Variants in STPG1 observed in about 807,000 individuals in gnomAD.
The protein encoded by STPG1 is sperm tail PG-rich repeat containing 1, also known as O(6)-methylguanine-induced apoptosis 2.
A neutral mutation model predicts 40.1 loss-of-function variants in STPG1; 33 were observed. That is an observed-to-expected ratio of 0.82 (90% confidence interval 0.62 to 1.10). STPG1 has a LOEUF of 1.10. Ranked by LOEUF, STPG1 falls within the 50% of genes least tolerant of loss-of-function variation. STPG1 has a pLI of 0.00. For missense variants in STPG1, 396 were observed against 415.1 expected (o/e 0.95, Z 0.40); for synonymous variants, 150 against 155.0 (o/e 0.97, Z 0.24).
At chr1:24,372,463 C>T (rs1641797931) in intron 6 of STPG1, among the ~76,000 whole-genome samples, 1 of 152,188 alleles carries the variant, frequency 6.6e-6, no homozygotes, top group Non-Finnish European at 1.5e-5. Flanking sequence ...GGGGGCTTCT[C>T]AGGATCCCCC....
chr1:24,367,353 T>A (rs1022204248), intron 7 of STPG1, among the ~76,000 whole-genome samples: 1 of 152,190 alleles, frequency 6.6e-6, no homozygotes, highest in Non-Finnish European at 1.5e-5. Flanking sequence ...CAGTTAAAAA[T>A]TGAGCATCCT....
At chr1:24,362,868 G>C (rs1053611448) in intron 7 of STPG1, among the ~76,000 whole-genome samples, 1 of 152,196 alleles carries the variant, frequency 6.6e-6, no homozygotes, top group African/African-American at 2.4e-5. Flanking sequence ...GGGACATGCT[G>C]CCTCCCTGTT....
At chr1:24,377,177 T>C (rs7546875) in intron 5 of STPG1, among the ~76,000 whole-genome samples, 60,805 of 151,546 alleles carry the variant, frequency 0.4, 12,594 homozygotes, top group African/African-American at 0.5. Flanking sequence ...ATTACTTGAA[T>C]TGGGGAGGCG....
intron 3 of STPG1, among the ~76,000 whole-genome samples, chr1:24,388,530 G>A (rs1183152226): frequency 6.6e-6 from 1 of 152,242 alleles, no homozygotes; most frequent in Non-Finnish European, 1.5e-5. Flanking sequence ...AGGAGACCTT[G>A]ATGGTTCACT....
intron 2 of STPG1, among the ~76,000 whole-genome samples, chr1:24,400,851 C>A (rs1570091676): frequency 6.6e-6 from 1 of 152,258 alleles, no homozygotes; most frequent in East Asian, 1.9e-4. Flanking sequence ...CCCAACCCAG[C>A]CTCCTGGGAT....
At position 24,365,770 on chromosome 1, in the gene STPG1, G is replaced by A. The variant is rs555368522; in HGVS notation, c.737+3904C>T. ...CACATTATGAGGTGTTCTTATCCTG[G>A]TTCACCAAGGATGACTTTGAACCCA... is the stretch of plus-strand genomic sequence containing the variant. On this transcript the variant is annotated intron_variant, in intron 7 of 8. Transcript: ENST00000337248. 8.6e-5 allele frequency among the ~76,000 whole-genome samples: 13 copies of A among 151,858 alleles called. No homozygotes were observed. In the East Asian group the frequency reaches 2.6e-3, roughly 30 times the overall value.
chr1:24,369,394 C>G (rs940478740), intron 7 of STPG1: 3 of 570,604 alleles, frequency 5.3e-6, no homozygotes, highest in Admixed American at 4.4e-5. Context: ...AAATCCGAAG[C>G]CTTGCTTCCT....
At position 24,361,013 on chromosome 1, in the gene STPG1, G is replaced by T; in HGVS notation, c.766C>A (p.Gln256Lys). 6.2e-7 allele frequency: 1 copy of T among 1,611,772 alleles called. No homozygotes were observed. Among genetic ancestry groups the T allele is most frequent in the African/African-American group, 1.3e-5 (1 of 74,938 alleles). Residue 256 changes from glutamine to lysine, a missense_variant, in exon 8 of 9, where the codon CAG (glutamine) becomes AAG (lysine). Coordinates refer to ENST00000337248, the MANE Select transcript of STPG1 (RefSeq NM_001199013.2). ...PKNPILNFSAQPSPLPPKPPF... is the reference protein window; with the variant it reads ...PKNPILNFSAKPSPLPPKPPF... The stretch of plus-strand genomic sequence containing the variant: ...GGCTTCGGAGGCAGAGGCGAAGGCT[G>T]AGCAGAGAAGTTCAGGATGGGGTTT...
chr1:24,389,130 G>A (rs905338970), intron 3 of STPG1, among the ~76,000 whole-genome samples: 3 of 152,208 alleles, frequency 2.0e-5, no homozygotes, highest in African/African-American at 4.8e-5. Context: ...TCTATTCGAT[G>A]CTGCCTGTAG....
chr1:24,387,105 C>A (rs975153400), intron 3 of STPG1, among the ~76,000 whole-genome samples: 2 of 152,168 alleles, frequency 1.3e-5, no homozygotes, highest in African/African-American at 2.4e-5. Flanking sequence ...TGGGACTGAG[C>A]AGCTTATTAG....
intron 3 of STPG1, among the ~76,000 whole-genome samples, chr1:24,390,537 G>A (rs1486431761): frequency 6.6e-6 from 1 of 152,140 alleles, no homozygotes; most frequent in Non-Finnish European, 1.5e-5. Flanking sequence ...TCCTGCCTCA[G>A]GAGAGGCAGT....
At chr1:24,410,321 C>T (rs1643567553) in intron 1 of STPG1, among the ~76,000 whole-genome samples, 1 of 152,116 alleles carries the variant, frequency 6.6e-6, no homozygotes, top group African/African-American at 2.4e-5. Flanking sequence ...AAACAATCTG[C>T]AATCCATGGC....
At chr1:24,380,959 G>A (rs1642257323) in intron 4 of STPG1, among the ~76,000 whole-genome samples, 1 of 152,200 alleles carries the variant, frequency 6.6e-6, no homozygotes, top group Admixed American at 6.5e-5. Flanking sequence ...AGCTTTGAAC[G>A]TGCTTCATCT....
intron 3 of STPG1, among the ~76,000 whole-genome samples, chr1:24,384,883 G>A (rs772182501): frequency 2.0e-5 from 3 of 152,176 alleles, no homozygotes; most frequent in South Asian, 2.1e-4. Flanking sequence ...CCAAGGTCCC[G>A]CTGCTGTAAG....
In STPG1 at chr1:24,379,647, T is replaced by G. The variant is rs1384534326; in HGVS notation, c.462+6A>C. The G allele has an allele frequency of 1.9e-6, 3 of 1,613,978 alleles. No individual in the cohort carries two copies. In the African/African-American group the frequency reaches 4.0e-5, roughly 22 times the overall value. On this transcript the variant is annotated splice_donor_region_variant and intron_variant, in intron 5 of 8. Transcript: ENST00000337248. ...TGTATTTAGCAAGCATAGGCAGAGT[T>G]CTTACATTGTAATAGTTTGGTGCAG...
chr1:24,365,502 G>A (rs80061546), intron 7 of STPG1, among the ~76,000 whole-genome samples: 6,716 of 152,288 alleles, frequency 0.044, 160 homozygotes, highest in East Asian at 0.071. Context: ...CCTGGAAGCT[G>A]AGAAGTCCTC....
intron 2 of STPG1, among the ~76,000 whole-genome samples, chr1:24,395,664 C>T (rs1485573338): frequency 6.6e-6 from 1 of 152,140 alleles, no homozygotes. Context: ...GATCTCCTGA[C>T]CTCATGATCT....
In STPG1 at chr1:24,364,345, C is replaced by T. The variant is rs1036593925; in HGVS notation, c.738-3304G>A. On this transcript the variant is annotated intron_variant, in intron 7 of 8. Coordinates refer to ENST00000337248, the MANE Select transcript of STPG1 (RefSeq NM_001199013.2). ...TCCCAGCCCCACCACCGTCAACAGC[C>T]TGCACTTCACTGTAAACTCGGAATG... 3 of 1,546,256 alleles carry T rather than the reference C, an allele frequency of 1.9e-6. No individual in the cohort carries two copies. In the African/African-American group the frequency reaches 4.1e-5, roughly 21 times the overall value.
intron 3 of STPG1, 22 bp downstream of exon 3, chr1:24,391,539 A>C (rs1174772339): frequency 7.1e-7 from 1 of 1,408,032 alleles, no homozygotes; most frequent in East Asian, 2.5e-5. Flanking sequence ...AAACGAAAGA[A>C]CCCCTGAGAC....
Sources: allele counts gnomAD v4.1 joint callset (sites outside exome capture counted in the v4.1 genomes callset), GRCh38; gene constraint gnomAD v4.1.1; transcripts MANE v1.5; gene names NCBI Gene and HGNC (gene_info 2026-07-23, HGNC 2026-07-21).